TAB3: variants seen among roughly 807,000 people sequenced by gnomAD.
TAB3 encodes the protein TGF-beta-activated kinase 1 and MAP3K7-binding protein 3.
TAB3 carries 18 observed loss-of-function variants against 48.1 expected under a neutral mutation model. The ratio of observed to expected loss-of-function variants is 0.37; its 90% CI spans 0.26 to 0.55. The LOEUF is 0.55. TAB3 is among the 20% of genes least tolerant of loss of function. The probability of loss-of-function intolerance (pLI) is 0.78; values close to 1 mark genes in which losing one functional copy is unlikely to be tolerated. For missense variants in TAB3, 414 were observed against 549.8 expected (o/e 0.75, Z 2.47); for synonymous variants, 185 against 190.2 (o/e 0.97, Z 0.22).
intron 9 of TAB3, among the ~76,000 whole-genome samples, chrX:30,839,943 T>A (rs909178051): frequency 6.3e-5 from 6 of 94,929 alleles, no homozygotes; most frequent in South Asian, 4.8e-4. Flanking sequence ...TATATATATA[T>A]AATATATATT....
In TAB3 at chrX:30,839,682, G is replaced by A. The variant is rs185557275; in HGVS notation, c.1888+3284C>T. On this transcript the variant is annotated intron_variant, in intron 9 of 10. Coordinates refer to ENST00000288422, the MANE Select transcript of TAB3 (RefSeq NM_152787.5). ...CTGATAATGGGGCAGGAGGTATATGGAAAATCTCCGCAACTTCCTCTCAGT... is the reference window on the plus strand; with the variant it reads ...CTGATAATGGGGCAGGAGGTATATGAAAAATCTCCGCAACTTCCTCTCAGT... Among the ~76,000 whole-genome samples the A allele has an allele frequency of 6.1e-3, 668 of 109,859 alleles. 5 individuals are homozygous for A. The highest frequency in any genetic ancestry group is 0.021 in the African/African-American group (632 of 30,201).
intron 1 of TAB3, among the ~76,000 whole-genome samples, chrX:30,887,203 A>G (rs1447724485): frequency 8.9e-6 from 1 of 112,142 alleles, no homozygotes; most frequent in Non-Finnish European, 1.9e-5. Context: ...AATAAACAAA[A>G]TATTTGTTCT....
At chrX:30,866,893 A>G (rs1225437894) in intron 4 of TAB3, among the ~76,000 whole-genome samples, 5 of 105,193 alleles carry the variant, frequency 4.8e-5, no homozygotes, top group Admixed American at 1.0e-4. Flanking sequence ...AAAAAAAAAG[A>G]TTACAGTGAA....
chrX:30,838,612 G>T (rs752642899), intron 9 of TAB3, among the ~76,000 whole-genome samples: 2 of 112,532 alleles, frequency 1.8e-5, no homozygotes, highest in African/African-American at 6.4e-5. Context: ...TATCAACCTT[G>T]TAAGAACAGG....
rs975527787 is a variant in TAB3, at chrX:30,846,698, A to G, written c.1711-54T>C. On this transcript the variant is annotated intron_variant, in intron 7 of 10. Transcript: ENST00000288422. The stretch of plus-strand genomic sequence containing the variant: ...TGTGGGAAAGTCATTATCAAGCCCA[A>G]CATTTAAGAACTGCGTTTCATGTTA... The G allele has an allele frequency of 1.0e-4, 78 of 765,449 alleles. 1 individual carries two copies. In the Admixed American group the frequency reaches 1.9e-3, roughly 19 times the overall value. 63.1% of individuals were successfully genotyped at this position (765,449 alleles called of 1,213,427 possible).
Position 30,855,308 on chromosome X carries a change from A to G in TAB3, c.357T>C (p.Cys119=). The G allele has an allele frequency of 8.3e-7, 1 of 1,211,800 alleles. No homozygotes were observed. The highest frequency in any genetic ancestry group is 3.0e-5 in the East Asian group (1 of 33,827). ...PQHAAGKQLI[C]LVQEPHSAPA... ...GAGCTGAGTGTGGTTCTTGAACTAA[A>G]CATATCAGCTGTTTACCTGCTGCAT... The change falls in exon 6 of 11, where the codon TGT becomes TGC. Residue 119 remains cysteine, a synonymous_variant. Transcript: ENST00000288422.
In TAB3 at chrX:30,846,576, T is replaced by A. The variant is rs942665538; in HGVS notation, c.1779A>T (p.Lys593Asn). The change falls in exon 8 of 11, where the codon AAA (lysine) becomes AAT (asparagine). Residue 593 changes from lysine (K) to asparagine (N), a missense_variant. Coordinates refer to ENST00000288422, the MANE Select transcript of TAB3 (RefSeq NM_152787.5). ...QLQINVDCTLKEVDLLQSRGN... is the reference protein window; with the variant it reads ...QLQINVDCTLNEVDLLQSRGN... ...CTCTAGATTGAAGGAGGTCAACTTC[T>A]TTCAGTGTACAGTCAACATTTATCT... is the stretch of plus-strand genomic sequence containing the variant. The A allele has an allele frequency of 1.2e-5, 15 of 1,200,519 alleles. No homozygotes were observed. The highest frequency in any genetic ancestry group is 1.7e-5 in the African/African-American group (1 of 57,163).
intron 9 of TAB3, chrX:30,835,579 T>C (rs1459555192): frequency 3.6e-5 from 4 of 111,418 alleles, no homozygotes; most frequent in Non-Finnish European, 5.6e-5. Flanking sequence ...CTGATGAAGG[T>C]TGGGGAAGCT....
rs1037069963 is a variant in TAB3 at position 30,831,262 on chromosome X, C to G, written c.*165G>C. The G allele has an allele frequency of 2.0e-6, 1 of 501,465 alleles. No individual in the cohort carries two copies. Among genetic ancestry groups the G allele is most frequent in the African/African-American group, 2.4e-5 (1 of 41,302 alleles). The allele number at this position is 501,465 out of a possible 1,213,427, so 41.3% of individuals were successfully genotyped here. ...AAGAAAGGAGAAAAAAAAGACCTCC[C>G]CATTTTTCCTTTCGTGAGCACAACG... On this transcript the variant is annotated 3_prime_UTR_variant, in exon 11 of 11. Transcript: ENST00000288422.
At chrX:30,873,045 CATTATAAGA>C (rs1260271640) in intron 1 of TAB3, among the ~76,000 whole-genome samples, 2 of 112,034 alleles carry the variant, frequency 1.8e-5, no homozygotes, top group Admixed American at 9.4e-5. Context: ...GATTGTTATA[CATTATAAGA>C]GAATTAAGAG....
At chrX:30,888,404 TTTAACACA>T (rs1370383103) in intron 1 of TAB3, among the ~76,000 whole-genome samples, 1 of 112,524 alleles carries the variant, frequency 8.9e-6, no homozygotes, top group East Asian at 2.8e-4. Flanking sequence ...GGATTTACAC[TTTAACACA>T]TTAACAAACT....
chrX:30,845,003 T>C (rs769988931), intron 8 of TAB3: 8 of 112,141 alleles, frequency 7.1e-5, no homozygotes, highest in Non-Finnish European at 9.4e-5. Context: ...TAAAAAATTA[T>C]TTGTAGGGAT....
Position 30,855,135 on chromosome X carries a change from G to T in TAB3, c.530C>A (p.Pro177Gln). ...MNPSAMQGPS[P>Q]PPPPPSYMHI... ...CATGTATGAAGGAGGTGGCGGTGGT[G>T]GTGAAGGCCCTTGCATAGCAGACGG... Residue 177 changes from proline to glutamine, a missense_variant, in exon 6 of 11, where the codon CCA becomes CAA. Pro to Gln is a moderately conservative substitution (Grantham distance 76, BLOSUM62 -1). Coordinates refer to ENST00000288422, the MANE Select transcript of TAB3 (RefSeq NM_152787.5). The T allele has an allele frequency of 2.5e-6, 3 of 1,211,573 alleles. No individual in the cohort carries two copies. Among genetic ancestry groups the T allele is most frequent in the Non-Finnish European group, 3.4e-6 (3 of 895,358 alleles).
intron 9 of TAB3, 49 bp from the exon 10 acceptor site, chrX:30,834,201 T>A: frequency 9.2e-7 from 1 of 1,086,487 alleles, no homozygotes; most frequent in Non-Finnish European, 1.3e-6. Flanking sequence ...GTCTTTCAAC[T>A]GCAAGAGTGA....
intron 5 of TAB3, among the ~76,000 whole-genome samples, chrX:30,858,878 G>A (rs1008895294): frequency 3.6e-5 from 4 of 111,555 alleles, no homozygotes; most frequent in African/African-American, 1.3e-4. Flanking sequence ...AAGGTAAGGT[G>A]AGTGAAAATG....
In TAB3 at chrX:30,831,008, GC is replaced by G. The variant is rs757065838; in HGVS notation, c.*418del. The stretch of plus-strand genomic sequence containing the variant: ...ACGGGGAGCCTTGGTTTTCCAGAGA[GC>G]GGTGACCAGGTAAGTCTGCTCTGGG... On this transcript the variant is annotated 3_prime_UTR_variant, in exon 11 of 11. Coordinates refer to ENST00000288422, the MANE Select transcript of TAB3 (RefSeq NM_152787.5). 5.0e-4 allele frequency: 52 copies of G among 103,892 alleles called. No homozygotes were observed. Among genetic ancestry groups the G allele is most frequent in the Non-Finnish European group, 4.3e-4 (22 of 51,598 alleles). 8.6% of individuals were successfully genotyped at this position (103,892 alleles called of 1,213,427 possible). A position where few individuals can be genotyped will look rare whatever the true frequency, so the allele number is the denominator to read the frequency against.
At chrX:30,860,988 G>A (rs968343484) in intron 4 of TAB3, among the ~76,000 whole-genome samples, 1 of 111,948 alleles carries the variant, frequency 8.9e-6, no homozygotes, top group Admixed American at 9.4e-5. Flanking sequence ...ATACAAACAT[G>A]TGTACATGCA....
rs1601819495 is a variant in TAB3 at position 30,855,348 on chromosome X, T to A, written c.317A>T (p.His106Leu). 1 of 1,211,863 alleles carries A rather than the reference T, an allele frequency of 8.3e-7. No individual in the cohort carries two copies. The highest frequency in any genetic ancestry group is 1.1e-6 in the Non-Finnish European group (1 of 895,494). ...ACCTGCTGCATGCTGAGGATCAATA[T>A]GTCCATCACTTGAGCTATGTACCAG... ...RTLVHSSSDG[H>L]IDPQHAAGKQ... is the part of the protein sequence containing the mutation. The change falls in exon 6 of 11, where the codon CAT becomes CTT. Residue 106 changes from histidine to leucine, a missense_variant. Transcript: ENST00000288422.
chrX:30,837,703 T>C (rs1938283271), intron 9 of TAB3, among the ~76,000 whole-genome samples: 1 of 112,542 alleles, frequency 8.9e-6, no homozygotes, highest in South Asian at 3.6e-4. Flanking sequence ...TGAAGACTAA[T>C]TTATCAATTG....
Sources: allele counts gnomAD v4.1 joint callset (sites outside exome capture counted in the v4.1 genomes callset), GRCh38; gene constraint gnomAD v4.1.1; transcripts MANE v1.5; gene names NCBI Gene and HGNC (gene_info 2026-07-23, HGNC 2026-07-21).